The following THSD7A variants were observed in gnomAD, a reference collection of about 807,000 sequenced individuals.
The protein encoded by THSD7A is thrombospondin type-1 domain-containing protein 7A.
In THSD7A, 96 loss-of-function variants were observed where a neutral mutation model predicts 231.3. The ratio of observed to expected loss-of-function variants is 0.41; its 90% CI spans 0.35 to 0.49. The LOEUF (loss-of-function observed/expected upper bound fraction) is 0.49, where lower values mean the gene tolerates loss of function less well. THSD7A is among the 20% of genes least tolerant of loss of function. The pLI, the probability that THSD7A is intolerant of heterozygous loss-of-function variation, is 0.05. For synonymous variants in THSD7A, 940 were observed against 743.3 expected (o/e 1.26, Z -4.30); for missense variants, 2,290 against 2,070.2 (o/e 1.11, Z -2.06).
At chr7:11,516,210 C>A (rs1217222698) in intron 6 of THSD7A, among the ~76,000 whole-genome samples, 12 of 152,058 alleles carry the variant, frequency 7.9e-5, no homozygotes, top group Non-Finnish European at 1.5e-4. Context: ...TAGGTTCAAA[C>A]CCAAAAGCTA....
intron 8 of THSD7A, among the ~76,000 whole-genome samples, chr7:11,470,741 TAAAGA>T (rs1785905173): frequency 2.0e-5 from 3 of 151,754 alleles, no homozygotes; most frequent in African/African-American, 7.2e-5. Context: ...AGTAAATCAG[TAAAGA>T]AAACTAAAAT....
rs910823969 is a variant in THSD7A, at chr7:11,373,650, A to G, written c.*2144T>C. The G allele has an allele frequency of 6.6e-6, 1 of 152,052 alleles. No individual in the cohort carries two copies. The highest frequency in any genetic ancestry group is 2.4e-5 in the African/African-American group (1 of 41,426). 9.4% of individuals were successfully genotyped at this position (152,052 alleles called of 1,614,324 possible). A position where few individuals can be genotyped will look rare whatever the true frequency, so the allele number is the denominator to read the frequency against. On this transcript the variant is annotated 3_prime_UTR_variant, in exon 28 of 28. Transcript: ENST00000423059. ...TACTGCATTTAGTTCTTATTGAAAT[A>G]CATACAAATATTTTCATTTTGGGGA... is the stretch of plus-strand genomic sequence containing the variant.
At chr7:11,473,159 G>T (rs16876845) in intron 8 of THSD7A, among the ~76,000 whole-genome samples, 6,918 of 152,132 alleles carry the variant, frequency 0.045, 338 homozygotes, top group East Asian at 0.12. Flanking sequence ...AATAAATTGT[G>T]GGGCAAAATA....
chr7:11,516,410 C>T (rs1788031162), intron 6 of THSD7A, among the ~76,000 whole-genome samples: 1 of 152,194 alleles, frequency 6.6e-6, no homozygotes, highest in Non-Finnish European at 1.5e-5. Flanking sequence ...AGATGACCTA[C>T]TACTGATCAG....
intron 23 of THSD7A, chr7:11,383,950 T>C (rs952903433): frequency 3.3e-5 from 5 of 151,934 alleles, no homozygotes; most frequent in Admixed American, 6.6e-5. Flanking sequence ...TAAAATAAGA[T>C]TGCAATAAGA....
chr7:11,543,402 C>T (rs909074081), intron 4 of THSD7A, among the ~76,000 whole-genome samples: 1 of 152,158 alleles, frequency 6.6e-6, no homozygotes, highest in African/African-American at 2.4e-5. Flanking sequence ...TATAACTTTC[C>T]TAGTCTGCAA....
intron 4 of THSD7A, among the ~76,000 whole-genome samples, chr7:11,575,123 G>T (rs1224413785): frequency 2.0e-5 from 3 of 152,132 alleles, no homozygotes; most frequent in African/African-American, 7.2e-5. Context: ...TTAGAATAGT[G>T]TCTCACATAT....
Position 11,390,785 on chromosome 7 carries a change from G to A in THSD7A, c.4412-8169C>T, listed in dbSNP as rs148322579. On this transcript the variant is annotated intron_variant, in intron 23 of 27. Coordinates refer to ENST00000423059, the MANE Select transcript of THSD7A (RefSeq NM_015204.3). ...CTTCGGATGGGGTCTCTGAGTGGAC[G>A]TCCTTTCTTATTGATGTTAATGCTA... Among the ~76,000 whole-genome samples, 582 of 152,234 alleles carry A rather than the reference G, an allele frequency of 3.8e-3. 7 individuals are homozygous for A. The highest frequency in any genetic ancestry group is 0.033 in the East Asian group (172 of 5,172).
rs183178261 is a variant in THSD7A at position 11,632,569 on chromosome 7, T to C, written c.1022+3561A>G. Reference sequence around the variant, plus strand: ...ACTTGCTTTCTAATTTTCATTTCCTTCTCTTTTCAGGTACATTGACTGGTA... The same window carrying C: ...ACTTGCTTTCTAATTTTCATTTCCTCCTCTTTTCAGGTACATTGACTGGTA... On this transcript the variant is annotated intron_variant, in intron 2 of 27. Coordinates refer to ENST00000423059, the MANE Select transcript of THSD7A (RefSeq NM_015204.3). This position sits in a 1 kb window ranked among gnomAD's most constrained non-coding sequence, Gnocchi z 4.1. Among the ~76,000 whole-genome samples, 891 of 152,276 alleles carry C rather than the reference T, an allele frequency of 5.9e-3. 5 individuals are homozygous for C. The highest frequency in any genetic ancestry group is 9.5e-3 in the Admixed American group (146 of 15,294).
At chr7:11,701,370 C>G (rs910960215) in intron 1 of THSD7A, among the ~76,000 whole-genome samples, 8 of 151,172 alleles carry the variant, frequency 5.3e-5, no homozygotes, top group African/African-American at 1.9e-4. Flanking sequence ...GACTGAAGCT[C>G]TTTGTAAATA....
chr7:11,394,189 CAGA>C (rs1190025136), intron 23 of THSD7A, among the ~76,000 whole-genome samples: 2 of 152,210 alleles, frequency 1.3e-5, no homozygotes, highest in Non-Finnish European at 2.9e-5. Flanking sequence ...TCCTACGAGC[CAGA>C]AGAGATTGGG....
chr7:11,426,514 A>C (rs1784326056), intron 15 of THSD7A, among the ~76,000 whole-genome samples, 152 bp downstream of exon 15: 2 of 152,228 alleles, frequency 1.3e-5, no homozygotes, highest in South Asian at 4.1e-4. Flanking sequence ...AAAATAAAAC[A>C]GTTATAGAAA....
intron 13 of THSD7A, among the ~76,000 whole-genome samples, chr7:11,431,204 C>G (rs1332453936): frequency 6.6e-6 from 1 of 152,136 alleles, no homozygotes; most frequent in Non-Finnish European, 1.5e-5. Context: ...TTTTAAATGT[C>G]AATGAAGTCC....
intron 4 of THSD7A, among the ~76,000 whole-genome samples, chr7:11,573,256 C>A (rs1011532693): frequency 1.3e-5 from 2 of 152,206 alleles, no homozygotes; most frequent in African/African-American, 4.8e-5. Flanking sequence ...CAGGGTATCA[C>A]CCCACATGTA....
intron 6 of THSD7A, among the ~76,000 whole-genome samples, chr7:11,536,899 C>T (rs1326535252): frequency 6.6e-6 from 1 of 152,114 alleles, no homozygotes; most frequent in African/African-American, 2.4e-5. Flanking sequence ...TCCCCCTTCA[C>T]ACTGTTACTT....
At chr7:11,466,770 A>G (rs891489649) in intron 9 of THSD7A, among the ~76,000 whole-genome samples, 2 of 152,024 alleles carry the variant, frequency 1.3e-5, no homozygotes, top group African/African-American at 4.8e-5. Context: ...CCGATTCCCG[A>G]GTTGGCATTT....
At chr7:11,401,382 A>C (rs2115356407) in intron 23 of THSD7A, among the ~76,000 whole-genome samples, 1 of 152,302 alleles carries the variant, frequency 6.6e-6, no homozygotes, top group South Asian at 2.1e-4. Context: ...TTTAGTCCTC[A>C]GCCTCAAGTG....
At chr7:11,398,744 T>C (rs1368923981) in intron 23 of THSD7A, among the ~76,000 whole-genome samples, 1 of 151,620 alleles carries the variant, frequency 6.6e-6, no homozygotes. Flanking sequence ...CCAGTCCTGC[T>C]GAGTGTCTGA....
chr7:11,659,670 A>G (rs1782851828), intron 1 of THSD7A, among the ~76,000 whole-genome samples: 1 of 151,472 alleles, frequency 6.6e-6, no homozygotes, highest in South Asian at 2.1e-4. Context: ...TCCAGTGATT[A>G]GGATAGTACA....
Sources: allele counts gnomAD v4.1 joint callset (sites outside exome capture counted in the v4.1 genomes callset), GRCh38; gene constraint gnomAD v4.1.1; non-coding constraint Gnocchi (gnomAD v3.1); transcripts MANE v1.5; gene names NCBI Gene and HGNC (gene_info 2026-07-23, HGNC 2026-07-21).